KCNG3: variants seen among roughly 807,000 people sequenced by gnomAD.
KCNG3 encodes the protein potassium voltage-gated channel modifier subfamily G member 3.
A neutral mutation model predicts 29.0 loss-of-function variants in KCNG3; 15 were observed. That is an observed-to-expected ratio of 0.52 (90% CI 0.35 to 0.80). KCNG3 has a LOEUF of 0.80. KCNG3 is among the 30% of genes least tolerant of loss of function. The pLI, the probability that KCNG3 is intolerant of heterozygous loss-of-function variation, is 0.01. For synonymous variants in KCNG3, 322 were observed against 248.9 expected (o/e 1.29, Z -2.76); for missense variants, 512 against 605.7 (o/e 0.85, Z 1.62).
chr2:42,398,361 C>T, the KCNG3 span, among the ~76,000 whole-genome samples: 1 of 152,018 alleles, frequency 6.6e-6, no homozygotes, highest in Admixed American at 6.6e-5. Context: ...TTTGGTGGCC[C>T]TTGTTTTGCT....
the KCNG3 span, among the ~76,000 whole-genome samples, chr2:42,395,012 G>A: frequency 6.6e-6 from 1 of 152,160 alleles, no homozygotes; most frequent in Non-Finnish European, 1.5e-5. Flanking sequence ...CCCTGCGATG[G>A]CTGGGACAAA....
chr2:42,476,270 G>A (rs145455278), intron 1 of KCNG3, among the ~76,000 whole-genome samples: 63 of 150,030 alleles, frequency 4.2e-4, no homozygotes, highest in Non-Finnish European at 1.8e-4. Flanking sequence ...TCAGGAGTTC[G>A]AGACCAGCCT....
chr2:42,461,356 G>C (rs539571870), intron 1 of KCNG3, among the ~76,000 whole-genome samples: 3 of 152,106 alleles, frequency 2.0e-5, no homozygotes, highest in African/African-American at 7.2e-5. Context: ...AGGTGTTTCT[G>C]TGTGCGCCTT....
downstream of KCNG3, among the ~76,000 whole-genome samples, chr2:42,441,807 T>TAAAATATATACACATATATATAA (rs1672492748): frequency 6.6e-6 from 1 of 151,204 alleles, no homozygotes; most frequent in Non-Finnish European, 1.5e-5. Context: ...TGTGTGTATA[T>TAAAATATATACACATATATATAA]ATATACCTAT....
chr2:42,418,793 G>A, the KCNG3 span, among the ~76,000 whole-genome samples: 113 of 152,264 alleles, frequency 7.4e-4, 1 homozygote, highest in East Asian at 0.015. Flanking sequence ...GCCAGCCATA[G>A]AATCACCATA....
At chr2:42,419,092 G>A in the KCNG3 span, among the ~76,000 whole-genome samples, 1 of 151,882 alleles carries the variant, frequency 6.6e-6, no homozygotes, top group African/African-American at 2.4e-5. Flanking sequence ...ACTGCTCTTG[G>A]TTTTTAACTG....
At chr2:42,403,785 G>C in the KCNG3 span, among the ~76,000 whole-genome samples, 2 of 151,580 alleles carry the variant, frequency 1.3e-5, no homozygotes, top group Non-Finnish European at 2.9e-5. Flanking sequence ...GTTTTTTGTA[G>C]AGATGAGGTC....
At chr2:42,408,068 A>C in the KCNG3 span, among the ~76,000 whole-genome samples, 1 of 152,220 alleles carries the variant, frequency 6.6e-6, no homozygotes, top group South Asian at 2.1e-4. Flanking sequence ...CAGTGCTGAC[A>C]TGCTAGCCCC....
intron 1 of KCNG3, among the ~76,000 whole-genome samples, chr2:42,483,444 T>C (rs941667383): frequency 2.6e-5 from 4 of 152,224 alleles, no homozygotes; most frequent in African/African-American, 9.6e-5. Flanking sequence ...CTGTTTGCAC[T>C]TTTGAAAAAC....
At chr2:42,479,415 G>T (rs945424534) in intron 1 of KCNG3, among the ~76,000 whole-genome samples, 1 of 152,024 alleles carries the variant, frequency 6.6e-6, no homozygotes. Context: ...AGGCCAAGGT[G>T]GGCAAATCCC....
chr2:42,412,567 G>A, the KCNG3 span, among the ~76,000 whole-genome samples: 9 of 152,194 alleles, frequency 5.9e-5, no homozygotes, highest in African/African-American at 1.7e-4. Flanking sequence ...ATATTTTAAC[G>A]CTTTTATTGG....
chr2:42,445,645 G>C (rs1344587474), intron 1 of KCNG3, among the ~76,000 whole-genome samples: 1 of 152,112 alleles, frequency 6.6e-6, no homozygotes, highest in Non-Finnish European at 1.5e-5. Flanking sequence ...ATTTTACCTA[G>C]AGCAATATTT....
intron 1 of KCNG3, among the ~76,000 whole-genome samples, chr2:42,475,665 A>T (rs952289349): frequency 2.6e-5 from 4 of 151,584 alleles, no homozygotes; most frequent in Admixed American, 1.3e-4. Flanking sequence ...AAAAAAAAAA[A>T]TTCCTGTGAC....
At chr2:42,441,792 AGG>A (rs1491409946), downstream of KCNG3, among the ~76,000 whole-genome samples, 32 of 149,148 alleles carry the variant, frequency 2.1e-4, no homozygotes, top group East Asian at 3.7e-3. Flanking sequence ...ATATATATAT[AGG>A]TGTGTGTGTA....
intron 1 of KCNG3, among the ~76,000 whole-genome samples, chr2:42,468,692 C>T (rs545646744): frequency 2.0e-5 from 3 of 152,082 alleles, no homozygotes; most frequent in Non-Finnish European, 2.9e-5. Context: ...CAGTGTCTCA[C>T]GCCTGTAATC....
At chr2:42,404,376 A>G in the KCNG3 span, among the ~76,000 whole-genome samples, 1 of 152,224 alleles carries the variant, frequency 6.6e-6, no homozygotes, top group Non-Finnish European at 1.5e-5. Flanking sequence ...AGTGAGCTCT[A>G]GAAATGACTC....
chr2:42,431,119 A>T, the KCNG3 span, among the ~76,000 whole-genome samples: 6 of 151,976 alleles, frequency 3.9e-5, no homozygotes, highest in African/African-American at 1.4e-4. Flanking sequence ...AAAAAAAAAA[A>T]AAAATTATAA....
Position 42,467,366 on chromosome 2 carries a change from A to G in KCNG3, c.666-22787T>C, listed in dbSNP as rs187905027. 1.5e-3 allele frequency among the ~76,000 whole-genome samples: 221 copies of G among 152,280 alleles called. 1 individual carries two copies. Among genetic ancestry groups the G allele is most frequent in the Non-Finnish European group, 2.5e-3 (169 of 68,022 alleles). On this transcript the variant is annotated intron_variant, in intron 1 of 1. Coordinates refer to ENST00000306078, the MANE Select transcript of KCNG3 (RefSeq NM_133329.6). Reference sequence around the variant, plus strand: ...TAATTAAAAAAGCAGTCACCAACTCATTTTAAAAAGTCAGTGAAAGGCCAG... The same window carrying G: ...TAATTAAAAAAGCAGTCACCAACTCGTTTTAAAAAGTCAGTGAAAGGCCAG...
rs1346050152 is a variant in KCNG3 at position 42,454,704 on chromosome 2, CAAAAAAAGAAAA to C, written c.666-10137_666-10126del. 2.9e-5 allele frequency among the ~76,000 whole-genome samples: 4 copies of C among 138,180 alleles called. No individual in the cohort carries two copies. The South Asian group carries it at 9.0e-4, about 31-fold the overall frequency. 90.7% of individuals were successfully genotyped at this position (138,180 alleles called of 152,430 possible). A position where few individuals can be genotyped will look rare whatever the true frequency, so the allele number is the denominator to read the frequency against. ...TGGGCGACAGAGCAAGACTCTGCCT[CAAAAAAAGAAAA>C]AAAAAAAGAAAGAAAGGAAATCCTG... On this transcript the variant is annotated intron_variant, in intron 1 of 1. Transcript: ENST00000306078.
Sources: allele counts gnomAD v4.1 joint callset (sites outside exome capture counted in the v4.1 genomes callset), GRCh38; gene constraint gnomAD v4.1.1; transcripts MANE v1.5; gene names NCBI Gene and HGNC (gene_info 2026-07-23, HGNC 2026-07-21).